The following PAG1 variants were observed in gnomAD, a reference collection of about 807,000 sequenced individuals.
The protein encoded by PAG1 is phosphoprotein associated with glycosphingolipid-enriched microdomains 1.
PAG1 carries 23 observed loss-of-function variants against 31.7 expected under a neutral mutation model. That is an observed-to-expected ratio of 0.73 (90% CI 0.52 to 1.03). The LOEUF is 1.03. PAG1 is among the 50% of genes least tolerant of loss of function. PAG1 has a pLI of 0.00. For missense variants in PAG1, 473 were observed against 540.7 expected, an observed-to-expected ratio of 0.87 and a Z score of 1.24; for synonymous variants, 214 against 210.3, an observed-to-expected ratio of 1.02 and a Z score of -0.15.
intron 3 of PAG1, among the ~76,000 whole-genome samples, chr8:81,009,513 GA>G (rs752402202): frequency 2.0e-5 from 3 of 152,220 alleles, no homozygotes; most frequent in Non-Finnish European, 2.9e-5. Context: ...CAGATGATAA[GA>G]TATGAGATAT....
rs982832393 is a variant in PAG1 at position 80,972,682 on chromosome 8, C to T, written c.*3862G>A. The T allele has an allele frequency of 3.9e-5, 6 of 152,068 alleles. No homozygotes were observed. The highest frequency in any genetic ancestry group is 1.4e-4 in the African/African-American group (6 of 41,406). The allele number at this position is 152,068 out of a possible 1,614,324, so 9.4% of individuals were successfully genotyped here. On this transcript the variant is annotated 3_prime_UTR_variant, in exon 9 of 9. Coordinates refer to ENST00000220597, the MANE Select transcript of PAG1 (RefSeq NM_018440.4). ...GTATAACAAAACTGTCTTAAAATAC[C>T]ACTGTTTTTCAGCCAAGAGAATTAC...
In PAG1 at chr8:80,968,031, C is replaced by T. The variant is rs1472438980; in HGVS notation, c.*8513G>A. 6.6e-6 allele frequency: 1 copy of T among 152,078 alleles called. No individual in the cohort carries two copies. The highest frequency in any genetic ancestry group is 1.5e-5 in the Non-Finnish European group (1 of 67,996). The allele number at this position is 152,078 out of a possible 1,614,324, so 9.4% of individuals were successfully genotyped here. ...GGCAGAAACATACGAAAACAAATAC[C>T]CATTTCAGTTCCTCAGGTACCATTA... On this transcript the variant is annotated 3_prime_UTR_variant, in exon 9 of 9. Transcript: ENST00000220597.
rs369254148 is a variant in PAG1 at position 80,977,128 on chromosome 8, G to C, written c.937-222C>G. On this transcript the variant is annotated intron_variant, in intron 8 of 8. Transcript: ENST00000220597. ...AGATCAGTCATATTCCCTTAATTCC[G>C]TGAAAACCCAGTTCTCTTGGGTCTG... is the stretch of plus-strand genomic sequence containing the variant. Among the ~76,000 whole-genome samples, 3 of 152,208 alleles carry C rather than the reference G, an allele frequency of 2.0e-5. No homozygotes were observed. In the East Asian group the frequency reaches 5.8e-4, roughly 29 times the overall value.
intron 1 of PAG1, among the ~76,000 whole-genome samples, chr8:81,078,397 A>G (rs1206502527): frequency 6.6e-6 from 1 of 152,216 alleles, no homozygotes; most frequent in East Asian, 1.9e-4. Flanking sequence ...CTAACATATT[A>G]TAAGTCATGA....
chr8:81,045,959 G>A lies in PAG1; in HGVS notation c.-174-15870C>T, dbSNP rs138419857. 4.2e-3 allele frequency among the ~76,000 whole-genome samples: 634 copies of A among 152,312 alleles called. 5 individuals are homozygous for A. Among genetic ancestry groups the A allele is most frequent in the African/African-American group, 0.014 (583 of 41,556 alleles). The stretch of plus-strand genomic sequence containing the variant: ...ATCCTATTGCTTCAGCATTGGGCGT[G>A]TAACAGCATAACTCGACCTCACAAC... On this transcript the variant is annotated intron_variant, in intron 2 of 8. Transcript: ENST00000220597.
intron 3 of PAG1, among the ~76,000 whole-genome samples, chr8:80,996,128 C>T (rs1469171228): frequency 1.3e-5 from 2 of 152,226 alleles, no homozygotes; most frequent in African/African-American, 2.4e-5. Flanking sequence ...GCCCCAGTTG[C>T]GGGGGCAGCT....
intron 2 of PAG1, among the ~76,000 whole-genome samples, chr8:81,054,998 T>C (rs1808792386): frequency 6.6e-6 from 1 of 152,126 alleles, no homozygotes; most frequent in African/African-American, 2.4e-5. Flanking sequence ...CATCAATAGA[T>C]TCAGGATACA....
At chr8:81,072,621 T>C (rs1809112897) in intron 1 of PAG1, among the ~76,000 whole-genome samples, 1 of 152,226 alleles carries the variant, frequency 6.6e-6, no homozygotes, top group Non-Finnish European at 1.5e-5. Flanking sequence ...AGAGGATTGC[T>C]TGAGCCCAGG....
intron 2 of PAG1, among the ~76,000 whole-genome samples, chr8:81,063,877 A>G (rs1201769971): frequency 6.6e-6 from 1 of 152,178 alleles, no homozygotes; most frequent in African/African-American, 2.4e-5. Flanking sequence ...GGGAAGGGGT[A>G]CACATGCTCC....
At chr8:81,072,475 C>A (rs1809109795) in intron 1 of PAG1, among the ~76,000 whole-genome samples, 1 of 152,216 alleles carries the variant, frequency 6.6e-6, no homozygotes, top group South Asian at 2.1e-4. Flanking sequence ...CAGACTTCAA[C>A]AAATATCCCC....
intron 2 of PAG1, chr8:81,058,403 A>G (rs1471601325): frequency 6.6e-6 from 1 of 152,264 alleles, no homozygotes; most frequent in Non-Finnish European, 1.5e-5. Context: ...TTTCTTTCTT[A>G]ACATCCCCAC....
At chr8:80,995,179 C>A (rs1343220297) in intron 3 of PAG1, among the ~76,000 whole-genome samples, 1 of 152,206 alleles carries the variant, frequency 6.6e-6, no homozygotes, top group African/African-American at 2.4e-5. Flanking sequence ...GAGACTTTTA[C>A]CTACAATGTA....
rs554221783 is a variant in PAG1 at position 81,001,867 on chromosome 8, C to G, written c.-80-8560G>C. On this transcript the variant is annotated intron_variant, in intron 3 of 8. Coordinates refer to ENST00000220597, the MANE Select transcript of PAG1 (RefSeq NM_018440.4). ...GCCCCAGGTATTCACAACCTCCAGG[C>G]GTCTGGCCTGTCTGGGACAGCAGCA... Among the ~76,000 whole-genome samples, 869 of 152,288 alleles carry G rather than the reference C, an allele frequency of 5.7e-3. 11 individuals carry two copies. Among genetic ancestry groups the G allele is most frequent in the Non-Finnish European group, 8.5e-3 (580 of 68,032 alleles).
chr8:80,998,243 C>T (rs1478758117), intron 3 of PAG1, among the ~76,000 whole-genome samples: 1 of 151,304 alleles, frequency 6.6e-6, no homozygotes, highest in African/African-American at 2.4e-5. Flanking sequence ...AATTCTCCTG[C>T]CTCGGCCTCC....
intron 2 of PAG1, among the ~76,000 whole-genome samples, chr8:81,061,469 G>C (rs1808916166): frequency 6.6e-6 from 1 of 152,148 alleles, no homozygotes; most frequent in African/African-American, 2.4e-5. Context: ...TGCAACCAGG[G>C]AGTAAAGGCT....
At chr8:81,006,929 G>A (rs1000078798) in intron 3 of PAG1, among the ~76,000 whole-genome samples, 3 of 152,174 alleles carry the variant, frequency 2.0e-5, no homozygotes, top group Admixed American at 2.0e-4. Context: ...CCCTTTGTAT[G>A]TAAGGCAGTC....
At chr8:80,986,988 G>A (rs79753531) in intron 6 of PAG1, among the ~76,000 whole-genome samples, 2,035 of 152,156 alleles carry the variant, frequency 0.013, 50 homozygotes, top group African/African-American at 0.047. Context: ...TGAGGTTTGT[G>A]GTAATATTGT....
In PAG1 at chr8:80,976,218, CT is replaced by C; in HGVS notation, c.*325del. 1 of 243,310 alleles carries C rather than the reference CT, an allele frequency of 4.1e-6. No individual in the cohort carries two copies. The highest frequency in any genetic ancestry group is 7.8e-6 in the Non-Finnish European group (1 of 127,740). 15.1% of individuals were successfully genotyped at this position (243,310 alleles called of 1,614,324 possible). Reference sequence around the variant, plus strand: ...GCATTGTGGTCCTTGGTGAGTGCAGCTTTTCCATACAGCTTGGCTTTCCTCA... The same window carrying C: ...GCATTGTGGTCCTTGGTGAGTGCAGCTTTCCATACAGCTTGGCTTTCCTCA... On this transcript the variant is annotated 3_prime_UTR_variant, in exon 9 of 9. Transcript: ENST00000220597.
intron 1 of PAG1, among the ~76,000 whole-genome samples, chr8:81,098,458 G>C (rs909842438): frequency 6.6e-6 from 1 of 152,170 alleles, no homozygotes; most frequent in South Asian, 2.1e-4. Context: ...TCTCCTCCCT[G>C]GTTTGACACT....
Sources: allele counts gnomAD v4.1 joint callset (sites outside exome capture counted in the v4.1 genomes callset), GRCh38; gene constraint gnomAD v4.1.1; transcripts MANE v1.5; gene names NCBI Gene and HGNC (gene_info 2026-07-23, HGNC 2026-07-21).